TENM3: variants seen among roughly 807,000 people sequenced by gnomAD.
TENM3 encodes teneurin transmembrane protein 3, also known as teneurin-3.
TENM3 carries 63 observed loss-of-function variants against 255.1 expected under a neutral mutation model. The ratio of observed to expected loss-of-function variants is 0.25; its 90% CI spans 0.20 to 0.30. TENM3 has a LOEUF of 0.30. Ranked by LOEUF, TENM3 falls within the 10% of genes least tolerant of loss-of-function variation. TENM3 has a pLI of 1.00. For synonymous variants in TENM3, 1,306 were observed against 1,322.3 expected (o/e 0.99, Z 0.27); for missense variants, 2,929 against 3,461.1 (o/e 0.85, Z 3.86).
chr4:182,697,013 A>G (rs1415819803), intron 12 of TENM3, among the ~76,000 whole-genome samples: 1 of 152,122 alleles, frequency 6.6e-6, no homozygotes, highest in Non-Finnish European at 1.5e-5. Context: ...GGGAATGAAA[A>G]TAGTAACTAC....
chr4:181,678,648 T>C, the TENM3 span, among the ~76,000 whole-genome samples: 1 of 152,074 alleles, frequency 6.6e-6, no homozygotes, highest in Admixed American at 6.6e-5. Context: ...AAAATAAAAG[T>C]ATCATTTAAT....
At chr4:181,933,017 G>C in the TENM3 span, among the ~76,000 whole-genome samples, 1 of 152,226 alleles carries the variant, frequency 6.6e-6, no homozygotes, top group African/African-American at 2.4e-5. Flanking sequence ...CCTCCCAGGG[G>C]GTTGGGGGCA....
At chr4:182,634,890 T>A (rs1751714924) in intron 5 of TENM3, among the ~76,000 whole-genome samples, 1 of 152,166 alleles carries the variant, frequency 6.6e-6, no homozygotes, top group South Asian at 2.1e-4. Context: ...GAAATGTCAA[T>A]GTTATACACA....
At chr4:181,959,594 G>A in the TENM3 span, among the ~76,000 whole-genome samples, 5 of 152,126 alleles carry the variant, frequency 3.3e-5, no homozygotes, top group Non-Finnish European at 5.9e-5. Flanking sequence ...GCAGATCACC[G>A]GCATGCCGGC....
the TENM3 span, among the ~76,000 whole-genome samples, chr4:181,474,908 A>G: frequency 2.6e-5 from 4 of 151,878 alleles, no homozygotes; most frequent in Admixed American, 1.3e-4. Flanking sequence ...CATATTCCCC[A>G]CCTACAGCCT....
chr4:182,738,606 C>T (rs1761353075), intron 18 of TENM3, 62 bp downstream of exon 18: 3 of 1,389,688 alleles, frequency 2.2e-6, no homozygotes, highest in Admixed American at 2.2e-5. Context: ...GCTAATGTTG[C>T]CCACTTTCCA....
intron 3 of TENM3, among the ~76,000 whole-genome samples, chr4:182,374,601 T>A (rs1767053416): frequency 1.3e-5 from 2 of 152,208 alleles, no homozygotes; most frequent in Admixed American, 6.5e-5. Flanking sequence ...ATTAGCCTTG[T>A]CTTTCTTCCC....
chr4:182,199,237 G>A (rs1440824909), intron 1 of TENM3, among the ~76,000 whole-genome samples: 1 of 152,102 alleles, frequency 6.6e-6, no homozygotes, highest in African/African-American at 2.4e-5. Context: ...GCCAAGACAG[G>A]CAGATCACTT....
chr4:181,778,438 G>A, the TENM3 span, among the ~76,000 whole-genome samples: 1 of 152,102 alleles, frequency 6.6e-6, no homozygotes, highest in African/African-American at 2.4e-5. Flanking sequence ...TAAACTTTCA[G>A]AGATGAAGAA....
chr4:181,772,183 G>A, the TENM3 span, among the ~76,000 whole-genome samples: 1 of 152,000 alleles, frequency 6.6e-6, no homozygotes, highest in Non-Finnish European at 1.5e-5. Context: ...TTCAAGACCA[G>A]CTTGGCCAAC....
At chr4:182,252,976 G>A (rs1048924483) in intron 1 of TENM3, among the ~76,000 whole-genome samples, 1 of 152,156 alleles carries the variant, frequency 6.6e-6, no homozygotes, top group African/African-American at 2.4e-5. Flanking sequence ...TGTATCAAAG[G>A]CCTTGGCTAT....
At chr4:181,739,407 A>C in the TENM3 span, among the ~76,000 whole-genome samples, 1 of 152,178 alleles carries the variant, frequency 6.6e-6, no homozygotes, top group African/African-American at 2.4e-5. Context: ...CTCTCGTACC[A>C]ACTAAAGAAC....
At chr4:181,625,471 C>T in the TENM3 span, among the ~76,000 whole-genome samples, 5,246 of 152,210 alleles carry the variant, frequency 0.034, 124 homozygotes, top group Non-Finnish European at 0.053. Flanking sequence ...TTGCGGAGCA[C>T]GTGAGCCACC....
intron 3 of TENM3, among the ~76,000 whole-genome samples, chr4:182,375,010 A>G (rs1258523993): frequency 6.6e-6 from 1 of 151,916 alleles, no homozygotes; most frequent in Non-Finnish European, 1.5e-5. Context: ...TCTGCCTTTG[A>G]TCATACCACC....
intron 1 of TENM3, among the ~76,000 whole-genome samples, chr4:182,296,958 A>C (rs1580066499): frequency 6.6e-6 from 1 of 152,194 alleles, no homozygotes; most frequent in East Asian, 1.9e-4. Flanking sequence ...AGATACTAGA[A>C]CGAGAAGACA....
At chr4:182,497,565 A>G (rs1735895478) in intron 3 of TENM3, among the ~76,000 whole-genome samples, 1 of 152,196 alleles carries the variant, frequency 6.6e-6, no homozygotes, top group South Asian at 2.1e-4. Context: ...TGTTCATACA[A>G]CTGGCAGTTT....
intron 3 of TENM3, among the ~76,000 whole-genome samples, chr4:182,419,125 TC>T (rs1770602393): frequency 1.3e-5 from 2 of 152,202 alleles, no homozygotes; most frequent in Non-Finnish European, 2.9e-5. Context: ...AGTAAATACT[TC>T]CTGAACACAT....
the TENM3 span, among the ~76,000 whole-genome samples, chr4:181,695,739 A>C: frequency 6.6e-6 from 1 of 152,190 alleles, no homozygotes; most frequent in Non-Finnish European, 1.5e-5. Flanking sequence ...TATGTTAACA[A>C]AGTACTTCGT....
intron 11 of TENM3, among the ~76,000 whole-genome samples, chr4:182,687,163 T>G (rs894395369): frequency 1.3e-5 from 2 of 152,186 alleles, no homozygotes; most frequent in African/African-American, 4.8e-5. Flanking sequence ...CATTTTCTGT[T>G]TGTTAGAAAT....
Sources: gnomAD v4.1 joint callset for allele counts (sites outside exome capture counted in the v4.1 genomes callset) on GRCh38, gnomAD v4.1.1 for gene constraint, MANE v1.5 for transcripts, NCBI Gene and HGNC (gene_info 2026-07-23, HGNC 2026-07-21) for gene names.